Variants in HPSE2 observed in about 807,000 individuals in gnomAD.
HPSE2 encodes inactive heparanase-2.
HPSE2 carries 38 observed loss-of-function variants against 60.5 expected under a neutral mutation model. That is an observed-to-expected ratio of 0.63 (90% CI 0.48 to 0.82). The LOEUF is 0.82. Among genes scored for constraint, HPSE2 ranks in the 40% least tolerant of loss-of-function variants. The probability of loss-of-function intolerance (pLI) is 0.00; values close to 1 mark genes in which losing one functional copy is unlikely to be tolerated. For missense variants in HPSE2, 713 were observed against 740.4 expected (o/e 0.96, Z 0.43); for synonymous variants, 295 against 293.2 (o/e 1.01, Z -0.06).
intron 3 of HPSE2, among the ~76,000 whole-genome samples, chr10:99,123,572 T>G (rs1845045128): frequency 6.6e-6 from 1 of 152,192 alleles, no homozygotes; most frequent in Non-Finnish European, 1.5e-5. Context: ...TCAGCACTGT[T>G]TGTGTTACAG....
intron 9 of HPSE2, among the ~76,000 whole-genome samples, chr10:98,557,390 T>C (rs914195819): frequency 2.0e-5 from 3 of 152,220 alleles, no homozygotes; most frequent in Admixed American, 2.0e-4. Context: ...ATGATCTTTT[T>C]CAATAAATGC....
intron 3 of HPSE2, among the ~76,000 whole-genome samples, chr10:98,959,328 C>G (rs1039865121): frequency 1.3e-4 from 19 of 143,916 alleles, no homozygotes; most frequent in Non-Finnish European, 2.1e-4. Flanking sequence ...GAAAAGGATT[C>G]TCTCCAGTTT....
At chr10:99,267,509 C>T in the HPSE2 span, among the ~76,000 whole-genome samples, 1 of 152,044 alleles carries the variant, frequency 6.6e-6, no homozygotes, top group African/African-American at 2.4e-5. Context: ...ACCTGCCGGG[C>T]ATGGTGGCTC....
chr10:98,465,443 A>G (rs1052689152), intron 11 of HPSE2, among the ~76,000 whole-genome samples: 1 of 152,234 alleles, frequency 6.6e-6, no homozygotes, highest in African/African-American at 2.4e-5. Context: ...CCTTAACCAT[A>G]GCCCTATCTG....
At chr10:98,864,935 T>C (rs1335700745) in intron 3 of HPSE2, among the ~76,000 whole-genome samples, 1 of 152,160 alleles carries the variant, frequency 6.6e-6, no homozygotes, top group African/African-American at 2.4e-5. Context: ...TTCAACACCT[T>C]AGAGGTTATG....
the HPSE2 span, among the ~76,000 whole-genome samples, chr10:99,294,779 C>CA: frequency 6.3e-4 from 96 of 151,662 alleles, no homozygotes; most frequent in Middle Eastern, 3.4e-3. Flanking sequence ...ACTAAAAATA[C>CA]AAAAAAAATC....
At chr10:99,117,412 T>G (rs1252421673) in intron 3 of HPSE2, among the ~76,000 whole-genome samples, 2 of 77,336 alleles carry the variant, frequency 2.6e-5, no homozygotes, top group Admixed American at 3.1e-4. Context: ...AAGAGTTGTT[T>G]TTTTGAAAAA....
At chr10:99,115,054 T>G (rs1201364120) in intron 3 of HPSE2, among the ~76,000 whole-genome samples, 1 of 152,026 alleles carries the variant, frequency 6.6e-6, no homozygotes, top group Non-Finnish European at 1.5e-5. Context: ...GGAACATAGT[T>G]GGCCGTTAAC....
At chr10:98,620,002 C>T (rs1946028950) in intron 8 of HPSE2, among the ~76,000 whole-genome samples, 1 of 152,200 alleles carries the variant, frequency 6.6e-6, no homozygotes, top group African/African-American at 2.4e-5. Context: ...GTTACTTCAC[C>T]TCTTTCAGTT....
intron 3 of HPSE2, among the ~76,000 whole-genome samples, chr10:98,823,799 C>A (rs114071926): frequency 1.3e-5 from 2 of 151,996 alleles, no homozygotes; most frequent in Non-Finnish European, 2.9e-5. Flanking sequence ...TTTTAACATA[C>A]CTCTAACAAT....
chr10:98,613,655 G>A (rs1351021137), intron 9 of HPSE2, among the ~76,000 whole-genome samples: 1 of 152,152 alleles, frequency 6.6e-6, no homozygotes, highest in East Asian at 1.9e-4. Context: ...GTTTATTGTG[G>A]GCCCCAGGGC....
intron 2 of HPSE2, among the ~76,000 whole-genome samples, chr10:99,213,829 C>T (rs2133914395): frequency 6.6e-6 from 1 of 152,212 alleles, no homozygotes. Flanking sequence ...CAGAATCTAC[C>T]TCTCAGAGAC....
At chr10:98,486,904 C>T (rs1941460764) in intron 10 of HPSE2, among the ~76,000 whole-genome samples, 1 of 152,166 alleles carries the variant, frequency 6.6e-6, no homozygotes, top group African/African-American at 2.4e-5. Context: ...TTACACTTAA[C>T]TCATCAAAAT....
intron 9 of HPSE2, among the ~76,000 whole-genome samples, chr10:98,609,754 C>T (rs1344230617): frequency 6.7e-6 from 1 of 149,778 alleles, no homozygotes; most frequent in Admixed American, 7.2e-5. Flanking sequence ...AGAGCTAGGA[C>T]TAGAACTCAT....
intron 3 of HPSE2, among the ~76,000 whole-genome samples, chr10:98,874,673 G>A (rs1237306994): frequency 4.6e-5 from 7 of 151,908 alleles, no homozygotes; most frequent in African/African-American, 1.4e-4. Context: ...GAGAGAGGGC[G>A]TCTTTGTCTT....
intron 5 of HPSE2, among the ~76,000 whole-genome samples, chr10:98,701,764 A>AT (rs1455206526): frequency 3.9e-5 from 6 of 152,108 alleles, no homozygotes; most frequent in Non-Finnish European, 7.4e-5. Flanking sequence ...ATGCTGAGGG[A>AT]TTTTGTCACC....
chr10:98,782,872 T>G (rs1487125486), intron 3 of HPSE2, among the ~76,000 whole-genome samples: 2 of 137,866 alleles, frequency 1.5e-5, no homozygotes, highest in African/African-American at 2.7e-5. Context: ...GATGAAGAGT[T>G]AGAATAATGG....
At chr10:99,051,656 A>C (rs1957993918) in intron 3 of HPSE2, among the ~76,000 whole-genome samples, 1 of 152,214 alleles carries the variant, frequency 6.6e-6, no homozygotes, top group Non-Finnish European at 1.5e-5. Flanking sequence ...CTGGTAAAGC[A>C]ACAGTTGGAA....
chr10:98,885,722 T>C (rs1255960412), intron 3 of HPSE2, among the ~76,000 whole-genome samples: 2 of 152,256 alleles, frequency 1.3e-5, no homozygotes, highest in South Asian at 2.1e-4. Flanking sequence ...TTTAAAGACA[T>C]AATGCCATTT....
Sources: allele counts gnomAD v4.1 joint callset (sites outside exome capture counted in the v4.1 genomes callset), GRCh38; gene constraint gnomAD v4.1.1; transcripts MANE v1.5; gene names NCBI Gene and HGNC (gene_info 2026-07-23, HGNC 2026-07-21).